GRXCR1: variants seen among roughly 807,000 people sequenced by gnomAD.
GRXCR1 encodes glutaredoxin and cysteine rich domain containing 1, also known as glutaredoxin domain-containing cysteine-rich protein 1.
GRXCR1 carries 27 observed loss-of-function variants against 27.3 expected under a neutral mutation model. That is an observed-to-expected ratio of 0.99 (90% CI 0.73 to 1.37). The LOEUF (loss-of-function observed/expected upper bound fraction) is 1.37. Among genes scored for constraint, GRXCR1 ranks in the 40% most tolerant of loss-of-function variants. The pLI, the probability that GRXCR1 is intolerant of heterozygous loss-of-function variation, is 0.00. For missense variants in GRXCR1, 379 were observed against 354.4 expected, an observed-to-expected ratio of 1.07 and a Z score of -0.56; for synonymous variants, 122 against 131.1, an observed-to-expected ratio of 0.93 and a Z score of 0.47.
At chr4:43,016,473 A>C (rs1240004839) in intron 2 of GRXCR1, among the ~76,000 whole-genome samples, 1 of 152,108 alleles carries the variant, frequency 6.6e-6, no homozygotes, top group Non-Finnish European at 1.5e-5. Flanking sequence ...AATTTTATTA[A>C]ATTTGCCTTA....
At chr4:42,938,307 A>G (rs1200769861) in intron 1 of GRXCR1, among the ~76,000 whole-genome samples, 1 of 151,996 alleles carries the variant, frequency 6.6e-6, no homozygotes, top group East Asian at 1.9e-4. Context: ...TGCATGTGCA[A>G]CATTTTCTTT....
intron 2 of GRXCR1, among the ~76,000 whole-genome samples, chr4:42,997,312 A>G (rs1249644142): frequency 1.3e-5 from 2 of 152,202 alleles, no homozygotes; most frequent in African/African-American, 2.4e-5. Flanking sequence ...GTAGATTAGC[A>G]AATTGTGATT....
chr4:43,018,725 A>G (rs142600404), intron 2 of GRXCR1, among the ~76,000 whole-genome samples: 39 of 152,310 alleles, frequency 2.6e-4, no homozygotes, highest in African/African-American at 9.1e-4. Context: ...TCATGTATCA[A>G]ATTCCCCAGA....
chr4:42,893,683 T>C, intron 1 of GRXCR1, 33 bp downstream of exon 1: 1 of 1,603,276 alleles, frequency 6.2e-7, no homozygotes, highest in Non-Finnish European at 8.5e-7. Flanking sequence ...TCCTGCTCTT[T>C]GTTCCTAACT....
intron 1 of GRXCR1, among the ~76,000 whole-genome samples, chr4:42,908,039 C>G (rs1393337679): frequency 1.3e-5 from 2 of 152,140 alleles, no homozygotes; most frequent in Non-Finnish European, 2.9e-5. Context: ...TGCCTTCCTA[C>G]AGGGGGGTCA....
At chr4:42,999,942 A>G (rs1427852807) in intron 2 of GRXCR1, among the ~76,000 whole-genome samples, 2 of 152,240 alleles carry the variant, frequency 1.3e-5, no homozygotes, top group Non-Finnish European at 2.9e-5. Flanking sequence ...TTCGTGATAC[A>G]CAGTATTCCC....
chr4:42,961,929 C>CTTTAAAAAAAA (rs1455576243), intron 1 of GRXCR1, among the ~76,000 whole-genome samples: 1 of 151,936 alleles, frequency 6.6e-6, no homozygotes, highest in Non-Finnish European at 1.5e-5. Context: ...TGTGGTTGTG[C>CTTTAAAAAAAA]TTTAAAAAAT....
At chr4:43,021,578 GGAGACA>G in intron 3 of GRXCR1, among the ~76,000 whole-genome samples, 1 of 152,100 alleles carries the variant, frequency 6.6e-6, no homozygotes, top group Non-Finnish European at 1.5e-5. Flanking sequence ...CTTTGCTAAG[GGAGACA>G]ACAATGTCCT....
chr4:42,975,323 T>C (rs1748489148), intron 2 of GRXCR1, among the ~76,000 whole-genome samples: 1 of 152,154 alleles, frequency 6.6e-6, no homozygotes, highest in African/African-American at 2.4e-5. Context: ...CTCCTGGGTT[T>C]AGAGACAAGG....
At chr4:43,025,991 A>AT (rs913044837) in intron 3 of GRXCR1, among the ~76,000 whole-genome samples, 1 of 151,938 alleles carries the variant, frequency 6.6e-6, no homozygotes. Context: ...AAAAAAAAAA[A>AT]AGTGGAAGTC....
chr4:43,009,738 C>T (rs1314322167), intron 2 of GRXCR1, among the ~76,000 whole-genome samples: 6 of 151,914 alleles, frequency 3.9e-5, no homozygotes, highest in East Asian at 1.9e-4. Context: ...GCTCTGCCTT[C>T]ATAACCTAAT....
chr4:42,929,890 C>A (rs1747264375), intron 1 of GRXCR1, among the ~76,000 whole-genome samples: 1 of 151,972 alleles, frequency 6.6e-6, no homozygotes, highest in South Asian at 2.1e-4. Flanking sequence ...ATGATCACTC[C>A]TTTGAGCCAA....
At chr4:42,939,067 C>T (rs1280624876) in intron 1 of GRXCR1, among the ~76,000 whole-genome samples, 1 of 151,962 alleles carries the variant, frequency 6.6e-6, no homozygotes, top group African/African-American at 2.4e-5. Flanking sequence ...TTTTGATAGG[C>T]ATTGCACTGT....
intron 1 of GRXCR1, 80 bp downstream of exon 1, chr4:42,893,730 A>G: frequency 1.4e-6 from 2 of 1,390,100 alleles, no homozygotes; most frequent in East Asian, 4.6e-5. Context: ...CAGTTAAAGC[A>G]AGCCTCTCTT....
At chr4:42,946,598 A>C (rs1296784711) in intron 1 of GRXCR1, among the ~76,000 whole-genome samples, 1 of 152,202 alleles carries the variant, frequency 6.6e-6, no homozygotes, top group East Asian at 1.9e-4. Flanking sequence ...TCAAGATCAC[A>C]GTGAGCAGAT....
chr4:43,005,738 T>G (rs1488428445), intron 2 of GRXCR1, among the ~76,000 whole-genome samples: 2 of 152,180 alleles, frequency 1.3e-5, no homozygotes, highest in Non-Finnish European at 2.9e-5. Context: ...AGACCAAGCA[T>G]CCAGCATCTG....
intron 1 of GRXCR1, among the ~76,000 whole-genome samples, chr4:42,911,947 G>GGTTT (rs1251034019): frequency 4.6e-5 from 7 of 152,118 alleles, no homozygotes; most frequent in African/African-American, 1.7e-4. Flanking sequence ...TGCAGCAGAG[G>GGTTT]GTTTATGTGG....
At chr4:43,002,471 A>G (rs1358529062) in intron 2 of GRXCR1, among the ~76,000 whole-genome samples, 2 of 152,148 alleles carry the variant, frequency 1.3e-5, no homozygotes, top group Admixed American at 6.5e-5. Context: ...ATTTTATACA[A>G]CACATGTTTT....
intron 1 of GRXCR1, among the ~76,000 whole-genome samples, chr4:42,945,053 G>T (rs569072762): frequency 1.3e-5 from 2 of 152,198 alleles, no homozygotes; most frequent in South Asian, 4.2e-4. Flanking sequence ...CTTCCTTTAT[G>T]AATGAGATTA....
Sources: gnomAD v4.1 joint callset for allele counts (sites outside exome capture counted in the v4.1 genomes callset) on GRCh38, gnomAD v4.1.1 for gene constraint, MANE v1.5 for transcripts, NCBI Gene and HGNC (gene_info 2026-07-23, HGNC 2026-07-21) for gene names.